STK10: variants seen among roughly 807,000 people sequenced by gnomAD.
STK10 encodes the protein serine/threonine-protein kinase 10.
STK10 carries 78 observed loss-of-function variants against 113.8 expected under a neutral mutation model. The observed-to-expected ratio is 0.69, with a 90% confidence interval of 0.57 to 0.83. The LOEUF (loss-of-function observed/expected upper bound fraction) is 0.83. STK10 is among the 40% of genes least tolerant of loss of function. The probability of loss-of-function intolerance (pLI) is 0.00; values close to 1 mark genes in which losing one functional copy is unlikely to be tolerated. For missense variants in STK10, 1,109 were observed against 1,280.1 expected (o/e 0.87, Z 2.04); for synonymous variants, 465 against 494.7 (o/e 0.94, Z 0.80).
intron 1 of STK10, among the ~76,000 whole-genome samples, chr5:172,161,457 A>T (rs1351589077): frequency 6.6e-6 from 1 of 152,122 alleles, no homozygotes; most frequent in Non-Finnish European, 1.5e-5. Context: ...CGTCTCAAAA[A>T]AAAAAAATAA....
At chr5:172,095,326 C>T (rs141288819) in intron 8 of STK10, among the ~76,000 whole-genome samples, 241 of 152,276 alleles carry the variant, frequency 1.6e-3, no homozygotes, top group African/African-American at 5.6e-3. Context: ...TGAAACCCTT[C>T]GGGGCTCCCA....
chr5:172,101,284 A>G (rs1768983942), intron 7 of STK10, among the ~76,000 whole-genome samples: 1 of 151,974 alleles, frequency 6.6e-6, no homozygotes, highest in African/African-American at 2.4e-5. Context: ...CAGCCTGGCC[A>G]ACATGGTGAA....
chr5:172,074,190 A>G (rs1485563284), intron 12 of STK10, among the ~76,000 whole-genome samples: 2 of 152,130 alleles, frequency 1.3e-5, no homozygotes, highest in Non-Finnish European at 2.9e-5. Flanking sequence ...AATCAGTAGG[A>G]TGATTCTAAG....
At chr5:172,061,350 C>T in intron 13 of STK10, 82 bp from the exon 14 acceptor site, 1 of 1,490,256 alleles carries the variant, frequency 6.7e-7, no homozygotes, top group Non-Finnish European at 8.9e-7. Flanking sequence ...GGAGAAAAGC[C>T]CGCGTGATCA....
chr5:172,096,884 G>C (rs1186713777), intron 7 of STK10, among the ~76,000 whole-genome samples: 2 of 152,250 alleles, frequency 1.3e-5, no homozygotes, highest in Non-Finnish European at 2.9e-5. Flanking sequence ...TCATGCACTT[G>C]AAAATGCTTA....
chr5:172,117,529 G>C lies in STK10; in HGVS notation c.472C>G (p.Leu158Val). Residue 158 changes from leucine to valine, a missense_variant, in exon 4 of 19, where the codon CTG becomes GTG. Physicochemically the swap from Leu to Val is conservative, Grantham distance 32. Transcript: ENST00000176763. ...GTCATCAGCACGTTGCCAGCTTTCA[G>C]ATCTCGGTGGATGATCCTCTTGCTG... ...LHSKRIIHRD[L>V]KAGNVLMTLE... 1 of 1,613,476 alleles carries C rather than the reference G, an allele frequency of 6.2e-7. No homozygotes were observed. Among genetic ancestry groups the C allele is most frequent in the Non-Finnish European group, 8.5e-7 (1 of 1,179,982 alleles).
chr5:172,072,413 C>T (rs1276726014), intron 12 of STK10, among the ~76,000 whole-genome samples: 2 of 152,120 alleles, frequency 1.3e-5, no homozygotes, highest in African/African-American at 4.8e-5. Context: ...ACTACAGGCG[C>T]ACACTGCCAC....
intron 5 of STK10, chr5:172,107,054 G>C: frequency 4.1e-6 from 1 of 246,416 alleles, no homozygotes; most frequent in Non-Finnish European, 8.1e-6. Context: ...GATGGCAGCA[G>C]CAACCCGGAA....
chr5:172,077,074 T>C (rs1768325910), intron 12 of STK10, among the ~76,000 whole-genome samples: 1 of 152,188 alleles, frequency 6.6e-6, no homozygotes, highest in Non-Finnish European at 1.5e-5. Context: ...GACATTCACA[T>C]ACCAGCACTG....
intron 1 of STK10, among the ~76,000 whole-genome samples, chr5:172,177,425 G>T (rs1770778545): frequency 6.6e-6 from 1 of 152,216 alleles, no homozygotes; most frequent in South Asian, 2.1e-4. Context: ...TGCTATTGCA[G>T]ATCTGGCCTG....
At chr5:172,159,516 T>G (rs564844618) in intron 1 of STK10, among the ~76,000 whole-genome samples, 3 of 152,174 alleles carry the variant, frequency 2.0e-5, no homozygotes, top group Admixed American at 2.0e-4. Context: ...CACTCCAGCC[T>G]GGGTGACAGG....
chr5:172,064,376 G>T (rs1768019272), intron 13 of STK10: 1 of 290,658 alleles, frequency 3.4e-6, no homozygotes. Flanking sequence ...AGACTTAAAA[G>T]ATGCCAAGTG....
At chr5:172,085,079 T>C (rs1396452726) in intron 10 of STK10, among the ~76,000 whole-genome samples, 2 of 151,958 alleles carry the variant, frequency 1.3e-5, no homozygotes, top group Non-Finnish European at 2.9e-5. Context: ...ACCTCATCTC[T>C]GCCAAAAATA....
At chr5:172,068,508 G>A (rs561392629) in intron 12 of STK10, among the ~76,000 whole-genome samples, 21 of 152,238 alleles carry the variant, frequency 1.4e-4, no homozygotes, top group East Asian at 1.3e-3. Flanking sequence ...AAGAAAACTT[G>A]TATCTTCAGT....
At chr5:172,051,138 A>G (rs530012048) in intron 18 of STK10, among the ~76,000 whole-genome samples, 1 of 152,334 alleles carries the variant, frequency 6.6e-6, no homozygotes, top group East Asian at 1.9e-4. Context: ...ACTTTGCTCC[A>G]GCCATGATCC....
rs903727081 is a variant in STK10, at chr5:172,187,304, C to G, written c.156+583G>C. On this transcript the variant is annotated intron_variant, in intron 1 of 18. Transcript: ENST00000176763. This position sits in a 1 kb window ranked among gnomAD's most constrained non-coding sequence, Gnocchi z 4.6. ...GGCTCAGCATTCACCAGATCCTGAC[C>G]TCCCCCTCTGACCAGCCCCAACCCA... Among the ~76,000 whole-genome samples the G allele has an allele frequency of 6.6e-6, 1 of 152,114 alleles. No individual in the cohort carries two copies. Among genetic ancestry groups the G allele is most frequent in the Non-Finnish European group, 1.5e-5 (1 of 68,012 alleles).
chr5:172,173,891 G>C lies in STK10; in HGVS notation c.156+13996C>G, dbSNP rs187794788. Among the ~76,000 whole-genome samples, 3 of 152,350 alleles carry C rather than the reference G, an allele frequency of 2.0e-5. No individual in the cohort carries two copies. The East Asian group carries it at 5.8e-4, about 29-fold the overall frequency. The stretch of plus-strand genomic sequence containing the variant: ...GGCCACAAGCATCAATGTTCGCAAA[G>C]TCGGGGCAAAGGGCTGTTTTGATTT... On this transcript the variant is annotated intron_variant, in intron 1 of 18. Transcript: ENST00000176763.
At position 172,106,401 on chromosome 5, in the gene STK10, C is replaced by CAGAAAAAA. The variant is rs1475870342; in HGVS notation, c.788+218_788+219insTTTTTTCT. 9.4e-5 allele frequency among the ~76,000 whole-genome samples: 5 copies of CAGAAAAAA among 53,454 alleles called. 1 individual carries two copies. The highest frequency in any genetic ancestry group is 1.5e-4 in the Non-Finnish European group (4 of 26,460). 35.1% of individuals were successfully genotyped at this position (53,454 alleles called of 152,430 possible). A position where few individuals can be genotyped will look rare whatever the true frequency, so the allele number is the denominator to read the frequency against. ...TGGGCAAAAGAGTGAGACCCTATCT[C>CAGAAAAAA]AAAAAAAAAAAAAAAAAGGAACACA... On this transcript the variant is annotated intron_variant, in intron 6 of 18. Coordinates refer to ENST00000176763, the MANE Select transcript of STK10 (RefSeq NM_005990.4).
chr5:172,084,314 C>T (rs1470433302), intron 10 of STK10, among the ~76,000 whole-genome samples: 5 of 152,008 alleles, frequency 3.3e-5, no homozygotes, highest in East Asian at 1.9e-4. Context: ...GCAAGAGAAT[C>T]GCTTGAATCC....
Sources: gnomAD v4.1 joint callset for allele counts (sites outside exome capture counted in the v4.1 genomes callset) on GRCh38, gnomAD v4.1.1 for gene constraint, Gnocchi (gnomAD v3.1) non-coding constraint, MANE v1.5 for transcripts, NCBI Gene and HGNC (gene_info 2026-07-23, HGNC 2026-07-21) for gene names.